Variants in CCDC7 observed in about 807,000 individuals in gnomAD.
CCDC7 encodes coiled-coil domain-containing protein 7.
Under a neutral mutation model 196.9 loss-of-function variants are expected in CCDC7, and 183 were observed. The ratio of observed to expected loss-of-function variants is 0.93; its 90% CI spans 0.82 to 1.05. CCDC7 has a LOEUF of 1.05. Among genes scored for constraint, CCDC7 ranks in the 50% least tolerant of loss-of-function variants. CCDC7 has a pLI of 0.00. For synonymous variants in CCDC7, 525 were observed against 484.6 expected (o/e 1.08, Z -1.10); for missense variants, 1,540 against 1,482.2 (o/e 1.04, Z -0.64).
intron 11 of CCDC7, among the ~76,000 whole-genome samples, chr10:32,533,640 C>T (rs2050037118): frequency 6.6e-6 from 1 of 151,890 alleles, no homozygotes; most frequent in Non-Finnish European, 1.5e-5. Context: ...CTTTATATCT[C>T]CTTCATATTT....
chr10:32,863,289 T>C (rs866241283), intron 41 of CCDC7, among the ~76,000 whole-genome samples: 6 of 152,058 alleles, frequency 3.9e-5, no homozygotes, highest in Admixed American at 2.6e-4. Flanking sequence ...CATATGGTAA[T>C]GGCACAAAAA....
At chr10:32,546,739 G>A (rs553283024) in intron 13 of CCDC7, among the ~76,000 whole-genome samples, 5 of 152,234 alleles carry the variant, frequency 3.3e-5, no homozygotes, top group South Asian at 4.1e-4. Context: ...CAGTGGGTTC[G>A]GCATCTGAGC....
At chr10:32,666,086 A>G (rs2072621200) in intron 21 of CCDC7, among the ~76,000 whole-genome samples, 1 of 147,162 alleles carries the variant, frequency 6.8e-6, no homozygotes, top group Admixed American at 6.8e-5. Flanking sequence ...TTGGTCTAAT[A>G]GTTTTTTGGT....
chr10:32,828,398 A>AAGAAGGAGAAGGAGAAGAAGAAGG (rs2091463806), intron 32 of CCDC7, among the ~76,000 whole-genome samples: 2 of 131,936 alleles, frequency 1.5e-5, no homozygotes, highest in African/African-American at 6.0e-5. Context: ...AAAAAAGAAG[A>AAGAAGGAGAAGGAGAAGAAGAAGG]AGAAGGAGAA....
chr10:32,631,683 A>C (rs1456236882), intron 18 of CCDC7, among the ~76,000 whole-genome samples: 1 of 152,062 alleles, frequency 6.6e-6, no homozygotes, highest in African/African-American at 2.4e-5. Flanking sequence ...AAAAAAAAAA[A>C]AACACTAATT....
At chr10:32,572,201 C>G (rs566558054) in intron 16 of CCDC7, among the ~76,000 whole-genome samples, 34 of 152,208 alleles carry the variant, frequency 2.2e-4, no homozygotes, top group African/African-American at 2.4e-4. Flanking sequence ...ACTTAGTTAT[C>G]ATCAAGATGC....
intron 29 of CCDC7, among the ~76,000 whole-genome samples, chr10:32,780,817 C>G (rs1227830171): frequency 6.6e-6 from 1 of 152,134 alleles, no homozygotes; most frequent in Admixed American, 6.5e-5. Context: ...TAAAACTCTT[C>G]ACACAAAAGG....
intron 21 of CCDC7, among the ~76,000 whole-genome samples, chr10:32,673,041 T>C (rs556975470): frequency 1.3e-5 from 2 of 152,308 alleles, no homozygotes; most frequent in Admixed American, 1.3e-4. Context: ...CCCAATGCTA[T>C]TGAGGAGACT....
At chr10:32,794,733 T>C (rs2134751121) in intron 29 of CCDC7, among the ~76,000 whole-genome samples, 1 of 152,364 alleles carries the variant, frequency 6.6e-6, no homozygotes, top group East Asian at 1.9e-4. Flanking sequence ...ATGTATGTCT[T>C]CTTTTGATAC....
At chr10:32,453,550 T>A (rs2033629563) in intron 2 of CCDC7, 114 bp downstream of exon 3, 6 of 664,246 alleles carry the variant, frequency 9.0e-6, no homozygotes, top group Non-Finnish European at 1.3e-5. Flanking sequence ...ATCCTCAGAA[T>A]GAATTTCCCA....
intron 11 of CCDC7, among the ~76,000 whole-genome samples, chr10:32,528,258 C>CT (rs61234728): frequency 2.0e-4 from 29 of 148,694 alleles, no homozygotes; most frequent in Non-Finnish European, 2.2e-4. Context: ...TAGCACGTTT[C>CT]TTTTTTTTTT....
intron 17 of CCDC7, among the ~76,000 whole-genome samples, chr10:32,583,528 TA>T (rs1252801885): frequency 1.3e-5 from 2 of 152,148 alleles, no homozygotes; most frequent in Middle Eastern, 3.4e-3. Context: ...TAATATTGAT[TA>T]AAAAGTTGTG....
At chr10:32,834,572 T>G (rs4609551) in intron 32 of CCDC7, among the ~76,000 whole-genome samples, 14,920 of 152,052 alleles carry the variant, frequency 0.098, 997 homozygotes, top group East Asian at 0.33. Context: ...GTATATCTGA[T>G]TTTGTTCAAA....
chr10:32,879,016 G>A (rs1216739551), downstream of CCDC7, among the ~76,000 whole-genome samples: 3 of 151,896 alleles, frequency 2.0e-5, no homozygotes, highest in Non-Finnish European at 2.9e-5. Context: ...ATTGGCAAGG[G>A]GCCTTCTAGT....
At chr10:32,467,569 T>C (rs1349849615) in intron 5 of CCDC7, among the ~76,000 whole-genome samples, 1 of 152,236 alleles carries the variant, frequency 6.6e-6, no homozygotes, top group Non-Finnish European at 1.5e-5. Flanking sequence ...TTTTTTTTGC[T>C]GCACAGAAGC....
chr10:32,793,658 CT>C (rs2083077122), intron 29 of CCDC7, among the ~76,000 whole-genome samples: 1 of 152,046 alleles, frequency 6.6e-6, no homozygotes, highest in Non-Finnish European at 1.5e-5. Flanking sequence ...TCCTTAATTT[CT>C]TTATTCATAC....
intron 11 of CCDC7, among the ~76,000 whole-genome samples, chr10:32,527,198 G>T (rs560336078): frequency 2.0e-5 from 3 of 152,076 alleles, no homozygotes; most frequent in Non-Finnish European, 4.4e-5. Context: ...GGGCAGCGCT[G>T]GGTTCATTGT....
chr10:32,463,940 A>G (rs2133730634), intron 5 of CCDC7, among the ~76,000 whole-genome samples: 1 of 152,350 alleles, frequency 6.6e-6, no homozygotes, highest in African/African-American at 2.4e-5. Flanking sequence ...GTAGGGGTAG[A>G]GTGAAGTCTA....
chr10:32,814,511 G>T, intron 31 of CCDC7, 58 bp downstream of exon 32: 1 of 1,218,986 alleles, frequency 8.2e-7, no homozygotes. Flanking sequence ...TCTCTGGAGT[G>T]TAACTAAGTG....
Sources: gnomAD v4.1 joint callset for allele counts (sites outside exome capture counted in the v4.1 genomes callset) on GRCh38, gnomAD v4.1.1 for gene constraint, MANE v1.5 for transcripts, NCBI Gene and HGNC (gene_info 2026-07-23, HGNC 2026-07-21) for gene names.